Variants in TENM3 observed in about 807,000 individuals in gnomAD.
TENM3 encodes teneurin-3.
In TENM3, 63 loss-of-function variants were observed where a neutral mutation model predicts 255.1. That is an observed-to-expected ratio of 0.25 (90% CI 0.20 to 0.30). TENM3 has a LOEUF of 0.30. Ranked by LOEUF, TENM3 falls within the 10% of genes least tolerant of loss-of-function variation. The probability of loss-of-function intolerance (pLI) is 1.00; values close to 1 mark genes in which losing one functional copy is unlikely to be tolerated. For synonymous variants in TENM3, 1,306 were observed against 1,322.3 expected (o/e 0.99, Z 0.27); for missense variants, 2,929 against 3,461.1 (o/e 0.85, Z 3.86).
At chr4:181,549,267 G>A in the TENM3 span, among the ~76,000 whole-genome samples, 83 of 152,322 alleles carry the variant, frequency 5.4e-4, no homozygotes, top group African/African-American at 1.7e-3. Flanking sequence ...CCAGGGGCAC[G>A]AACATGAAAG....
At chr4:181,645,595 G>A in the TENM3 span, among the ~76,000 whole-genome samples, 4 of 152,160 alleles carry the variant, frequency 2.6e-5, no homozygotes, top group Non-Finnish European at 5.9e-5. Context: ...AAATATGAGA[G>A]GGGGAGTGAT....
the TENM3 span, among the ~76,000 whole-genome samples, chr4:181,788,868 G>A: frequency 6.6e-6 from 1 of 152,198 alleles, no homozygotes; most frequent in African/African-American, 2.4e-5. Flanking sequence ...AAAGTGTTAA[G>A]ATTACAGGCA....
intron 1 of TENM3, among the ~76,000 whole-genome samples, chr4:182,217,521 C>T (rs973403220): frequency 6.6e-6 from 1 of 152,144 alleles, no homozygotes; most frequent in Admixed American, 6.6e-5. Context: ...ATGCATTGAG[C>T]GCTTACTGTG....
intron 1 of TENM3, among the ~76,000 whole-genome samples, chr4:182,304,967 T>A (rs770440275): frequency 6.6e-6 from 1 of 152,150 alleles, no homozygotes; most frequent in Non-Finnish European, 1.5e-5. Context: ...TTTCTTCTTC[T>A]CCTCCTCTGT....
chr4:182,253,898 C>G (rs573295039), intron 1 of TENM3, among the ~76,000 whole-genome samples: 3 of 152,168 alleles, frequency 2.0e-5, no homozygotes, highest in Non-Finnish European at 2.9e-5. Flanking sequence ...AAAGTAAACT[C>G]TGAAAGAAAA....
At chr4:182,708,922 C>T (rs1398848907) in intron 12 of TENM3, among the ~76,000 whole-genome samples, 1 of 152,058 alleles carries the variant, frequency 6.6e-6, no homozygotes, top group South Asian at 2.1e-4. Flanking sequence ...AATTGAAACT[C>T]CAGGGAAAGT....
the TENM3 span, among the ~76,000 whole-genome samples, chr4:181,780,760 T>C: frequency 4.6e-5 from 7 of 151,680 alleles, no homozygotes; most frequent in African/African-American, 1.7e-4. Context: ...TAGGGTTTTT[T>C]AGGTCTAACA....
chr4:182,786,556 T>TAA (rs79660444), intron 24 of TENM3, among the ~76,000 whole-genome samples: 5 of 71,120 alleles, frequency 7.0e-5, no homozygotes, highest in African/African-American at 2.5e-4. Flanking sequence ...GACCCCGTCT[T>TAA]AAAAAAAAAA....
At chr4:182,473,477 T>G (rs148604320) in intron 3 of TENM3, among the ~76,000 whole-genome samples, 1 of 152,076 alleles carries the variant, frequency 6.6e-6, no homozygotes, top group Non-Finnish European at 1.5e-5. Flanking sequence ...ATCGAGACCA[T>G]GCTGGCTAAC....
At chr4:182,343,061 C>T (rs1472916076) in intron 2 of TENM3, among the ~76,000 whole-genome samples, 1 of 152,154 alleles carries the variant, frequency 6.6e-6, no homozygotes, top group African/African-American at 2.4e-5. Context: ...GTCAAATACC[C>T]TCACTCGTTT....
the TENM3 span, among the ~76,000 whole-genome samples, chr4:182,104,481 T>G: frequency 2.7e-5 from 4 of 147,792 alleles, no homozygotes; most frequent in Non-Finnish European, 6.0e-5. Flanking sequence ...TAACAGATCA[T>G]CCAGGGTTAT....
chr4:182,424,765 T>C (rs1399385376), intron 3 of TENM3, among the ~76,000 whole-genome samples: 1 of 152,212 alleles, frequency 6.6e-6, no homozygotes, highest in Non-Finnish European at 1.5e-5. Flanking sequence ...CAGATTATTT[T>C]ATGATTGTTT....
At chr4:181,537,740 G>A in the TENM3 span, among the ~76,000 whole-genome samples, 19 of 152,248 alleles carry the variant, frequency 1.2e-4, no homozygotes, top group East Asian at 3.9e-4. Flanking sequence ...AACAAGAGAC[G>A]GTGGCTAAGA....
chr4:182,022,013 C>A, the TENM3 span, among the ~76,000 whole-genome samples: 2 of 152,024 alleles, frequency 1.3e-5, no homozygotes, highest in African/African-American at 2.4e-5. Flanking sequence ...ACAGAGCTAC[C>A]ATTTGACCCA....
chr4:182,379,771 G>A (rs967477045), intron 3 of TENM3, among the ~76,000 whole-genome samples: 1 of 152,178 alleles, frequency 6.6e-6, no homozygotes, highest in African/African-American at 2.4e-5. Flanking sequence ...CAGGTCCACC[G>A]CTCACTAGCT....
the TENM3 span, among the ~76,000 whole-genome samples, chr4:181,474,338 A>C: frequency 2.0e-5 from 3 of 152,176 alleles, no homozygotes; most frequent in Non-Finnish European, 4.4e-5. Flanking sequence ...TTTAAAGACT[A>C]GAAAGTCATT....
At chr4:181,973,957 G>A in the TENM3 span, among the ~76,000 whole-genome samples, 1 of 152,170 alleles carries the variant, frequency 6.6e-6, no homozygotes, top group African/African-American at 2.4e-5. Context: ...GACACCGGCA[G>A]GGGTAGGCTG....
intron 1 of TENM3, among the ~76,000 whole-genome samples, chr4:182,223,783 CAA>C (rs61535632): frequency 8.0e-5 from 9 of 112,946 alleles, no homozygotes; most frequent in East Asian, 3.0e-4. Context: ...GATAGATTGG[CAA>C]AAAAAAAAAA....
chr4:182,451,337 A>G (rs747817147), intron 3 of TENM3, among the ~76,000 whole-genome samples: 14 of 152,216 alleles, frequency 9.2e-5, no homozygotes, highest in Non-Finnish European at 1.8e-4. Context: ...GGACTCTTCT[A>G]CTGATGTCTG....
Sources: gnomAD v4.1 joint callset for allele counts (sites outside exome capture counted in the v4.1 genomes callset) on GRCh38, gnomAD v4.1.1 for gene constraint, MANE v1.5 for transcripts, NCBI Gene and HGNC (gene_info 2026-07-23, HGNC 2026-07-21) for gene names.